The following INAVA variants were observed in gnomAD, a reference collection of about 807,000 sequenced individuals.
INAVA encodes the protein innate immunity activator.
INAVA carries 32 observed loss-of-function variants against 55.3 expected under a neutral mutation model. The observed-to-expected ratio is 0.58, with a 90% CI of 0.44 to 0.78. The LOEUF (loss-of-function observed/expected upper bound fraction) is 0.78. Ranked by LOEUF, INAVA falls within the 30% of genes least tolerant of loss-of-function variation. The pLI is 0.00. For synonymous variants in INAVA, 294 were observed against 329.4 expected (o/e 0.89, Z 1.16); for missense variants, 756 against 786.4 (o/e 0.96, Z 0.46).
At chr1:200,906,979 T>C (rs1653518530) in intron 5 of INAVA, among the ~76,000 whole-genome samples, 1 of 152,022 alleles carries the variant, frequency 6.6e-6, no homozygotes, top group Admixed American at 6.6e-5. Flanking sequence ...GCATGCACCA[T>C]CATGCCTGGC....
Position 200,911,936 on chromosome 1 carries a change from G to A in INAVA, c.1443G>A (p.Val481=), listed in dbSNP as rs1217559743. Residue 481 remains valine (V), a synonymous_variant, in exon 9 of 10, where the codon GTG becomes GTA. Coordinates refer to ENST00000413687, the MANE Select transcript of INAVA (RefSeq NM_001142569.3). Reference sequence around the variant, plus strand: ...TGGTGCCCTCCCGCAGCCGCATCGTGCGGACGCCCTCCCTGAAGGACAGCC... The same window carrying A: ...TGGTGCCCTCCCGCAGCCGCATCGTACGGACGCCCTCCCTGAAGGACAGCC... The part of the protein sequence containing the change: ...QRLVPSRSRI[V]RTPSLKDSPA... 1.3e-6 allele frequency: 2 copies of A among 1,558,358 alleles called. No individual in the cohort carries two copies.
rs777790909 is a variant in INAVA, at chr1:200,899,455, G to GC, written c.56-12dup. The GC allele has an allele frequency of 9.3e-6, 15 of 1,613,416 alleles. No homozygotes were observed. Among genetic ancestry groups the GC allele is most frequent in the Non-Finnish European group, 1.1e-5 (13 of 1,179,790 alleles). On this transcript the variant is annotated splice_polypyrimidine_tract_variant and intron_variant, in intron 2 of 9. Coordinates refer to ENST00000413687, the MANE Select transcript of INAVA (RefSeq NM_001142569.3). ...CCATCTTCAGCCTCCCTGAGCATGT[G>GC]CCCCCCAACCCTTGCAGGCCCCGAC...
chr1:200,901,415 A>G (rs990067502), intron 5 of INAVA, among the ~76,000 whole-genome samples: 36 of 152,180 alleles, frequency 2.4e-4, no homozygotes, highest in African/African-American at 8.7e-4. Context: ...TACCTTCAAG[A>G]GACTTCCTAC....
At position 200,900,998 on chromosome 1, in the gene INAVA, G is replaced by A. The variant is rs758954062; in HGVS notation, c.359G>A (p.Arg120His). ...CAGCTGCAGATCACAGAGGCAGCCCGTCGGCTGTGCCTGGAGGAGAACCTC... is the reference window on the plus strand; with the variant it reads ...CAGCTGCAGATCACAGAGGCAGCCCATCGGCTGTGCCTGGAGGAGAACCTC... ...ALQLQITEAA[R>H]RLCLEENLSR... Residue 120 changes from arginine (R) to histidine (H), a missense_variant, in exon 5 of 10, where the codon CGT becomes CAT. By Grantham distance (29) the Arg-to-His change is conservative. Transcript: ENST00000413687. The A allele has an allele frequency of 3.0e-5, 46 of 1,552,748 alleles. No homozygotes were observed. Among genetic ancestry groups the A allele is most frequent in the Admixed American group, 1.4e-4 (7 of 51,368 alleles).
At chr1:200,903,874 C>T (rs1653375334) in intron 5 of INAVA, among the ~76,000 whole-genome samples, 1 of 152,008 alleles carries the variant, frequency 6.6e-6, no homozygotes, top group African/African-American at 2.4e-5. Context: ...ACCCTGCCCC[C>T]TTGGGCTCCA....
rs769839773 is a variant in INAVA, at chr1:200,911,893, C to T, written c.1400C>T (p.Pro467Leu). 3.2e-6 allele frequency: 5 copies of T among 1,583,500 alleles called. 1 individual carries two copies. The South Asian group carries it at 5.6e-5, about 18-fold the overall frequency. ...CCTGCTTACGAGGAGGAGGGCACTC[C>T]CCTGCGCTACCAGCGTCTGGTGCCC... is the stretch of plus-strand genomic sequence containing the variant. ...PGPAYEEEGT[P>L]LRYQRLVPSR... Residue 467 changes from proline to leucine, a missense_variant, in exon 9 of 10, where the codon CCC (proline) becomes CTC (leucine). Physicochemically the swap from Pro to Leu is moderately conservative, Grantham distance 98. Transcript: ENST00000413687.
At chr1:200,902,738 C>T (rs552661185) in intron 5 of INAVA, among the ~76,000 whole-genome samples, 1 of 152,348 alleles carries the variant, frequency 6.6e-6, no homozygotes, top group African/African-American at 2.4e-5. Context: ...GCCTCCTGCT[C>T]CCCGGTCCAG....
chr1:200,905,022 A>G (rs1653423959), intron 5 of INAVA, among the ~76,000 whole-genome samples: 1 of 152,234 alleles, frequency 6.6e-6, no homozygotes, highest in Admixed American at 6.5e-5. Flanking sequence ...CTAAGATTAT[A>G]GGTGTGCCTG....
intron 2 of INAVA, among the ~76,000 whole-genome samples, chr1:200,898,815 G>A (rs545131227): frequency 6.6e-6 from 1 of 152,280 alleles, no homozygotes; most frequent in South Asian, 2.1e-4. Flanking sequence ...CAAGGTGGGC[G>A]GATCACAAGG....
At chr1:200,906,572 A>C (rs1284369884) in intron 5 of INAVA, 1 of 152,008 alleles carries the variant, frequency 6.6e-6, no homozygotes, top group East Asian at 1.9e-4. Flanking sequence ...AAGCAATAGC[A>C]CAAATGAGTT....
chr1:200,894,924 T>C lies in INAVA; in HGVS notation c.-258T>C. 1.0e-6 allele frequency: 1 copy of C among 985,446 alleles called. No homozygotes were observed. 61.0% of individuals were successfully genotyped at this position (985,446 alleles called of 1,614,324 possible). A position where few individuals can be genotyped will look rare whatever the true frequency, so the allele number is the denominator to read the frequency against. The stretch of plus-strand genomic sequence containing the variant: ...CGGCAGCCTGGGAGGGACGGCAAGG[T>C]AGGCAGGTGAGCCGAGACGGACGGA... On this transcript the variant is annotated 5_prime_UTR_variant, in exon 1 of 10. Transcript: ENST00000413687.
At chr1:200,902,862 T>C (rs981521268) in intron 5 of INAVA, 1 of 152,270 alleles carries the variant, frequency 6.6e-6, no homozygotes, top group Non-Finnish European at 1.5e-5. Context: ...TGACCCATAA[T>C]GCTTCTTGTT....
chr1:200,906,846 G>A (rs535876922), intron 5 of INAVA, among the ~76,000 whole-genome samples: 20 of 152,104 alleles, frequency 1.3e-4, no homozygotes, highest in African/African-American at 4.6e-4. Flanking sequence ...TTTTATTTGA[G>A]ACAGGGTCTC....
Position 200,898,328 on chromosome 1 carries a change from T to G in INAVA, c.-73T>G. ...AAAGCTGGGGAAGCTCCAGGCTACC[T>G]ACACAACCTGGCCCAGGCTGGTCAC... On this transcript the variant is annotated 5_prime_UTR_variant, in exon 2 of 10. Transcript: ENST00000413687. 1 of 1,612,644 alleles carries G rather than the reference T, an allele frequency of 6.2e-7. No individual in the cohort carries two copies. Among genetic ancestry groups the G allele is most frequent in the Non-Finnish European group, 8.5e-7 (1 of 1,179,686 alleles).
chr1:200,913,721 C>T lies in INAVA; in HGVS notation c.*92C>T, dbSNP rs547271958. 4.1e-5 allele frequency: 42 copies of T among 1,024,794 alleles called. No homozygotes were observed. The East Asian group carries it at 8.3e-4, about 20-fold the overall frequency. 63.5% of individuals were successfully genotyped at this position (1,024,794 alleles called of 1,614,324 possible). A position where few individuals can be genotyped will look rare whatever the true frequency, so the allele number is the denominator to read the frequency against. ...GTGCCTCTTTCAGCTCCCCCATCCC[C>T]ATCGCAGGCCGATGACCTGGAGCTG... On this transcript the variant is annotated 3_prime_UTR_variant, in exon 10 of 10. Coordinates refer to ENST00000413687, the MANE Select transcript of INAVA (RefSeq NM_001142569.3).
chr1:200,912,202 A>C (rs1653782924), intron 9 of INAVA, 65 bp downstream of exon 9: 1 of 1,398,046 alleles, frequency 7.2e-7, no homozygotes, highest in Admixed American at 2.3e-5. Context: ...GAGGGGCTGC[A>C]ATTCTAGTAT....
chr1:200,892,247 T>C (rs1668252553), upstream of INAVA, among the ~76,000 whole-genome samples: 1 of 152,152 alleles, frequency 6.6e-6, no homozygotes, highest in Non-Finnish European at 1.5e-5. Flanking sequence ...TTCACTGTTG[T>C]CTCTAGCGCT....
intron 9 of INAVA, 48 bp from the exon 10 acceptor site, chr1:200,913,489 T>C (rs1346849146): frequency 1.4e-6 from 2 of 1,481,164 alleles, no homozygotes; most frequent in Non-Finnish European, 1.9e-6. Flanking sequence ...TCCCCGCTTT[T>C]CTGCCTGGTT....
intron 1 of INAVA, among the ~76,000 whole-genome samples, chr1:200,897,143 A>G (rs772600547): frequency 6.6e-6 from 1 of 152,188 alleles, no homozygotes. Context: ...AGCCGACACA[A>G]TGGGATGGCA....
Sources: gnomAD v4.1 joint callset for allele counts (sites outside exome capture counted in the v4.1 genomes callset) on GRCh38, gnomAD v4.1.1 for gene constraint, MANE v1.5 for transcripts, NCBI Gene and HGNC (gene_info 2026-07-23, HGNC 2026-07-21) for gene names.